The following ICE2 variants were observed in gnomAD, a reference collection of about 807,000 sequenced individuals.
ICE2 encodes little elongation complex subunit 2.
ICE2 carries 87 observed loss-of-function variants against 105.4 expected under a neutral mutation model. The observed-to-expected ratio is 0.83, with a 90% CI of 0.69 to 0.99. The LOEUF (loss-of-function observed/expected upper bound fraction) is 0.99. ICE2 is among the 50% of genes least tolerant of loss of function. ICE2 has a pLI of 0.00. For synonymous variants in ICE2, 399 were observed against 392.0 expected, an observed-to-expected ratio of 1.02 and a Z score of -0.21; for missense variants, 1,323 against 1,146.7, an observed-to-expected ratio of 1.15 and a Z score of -2.22.
intron 14 of ICE2, among the ~76,000 whole-genome samples, chr15:60,429,013 T>C (rs1566967941): frequency 6.6e-6 from 1 of 152,236 alleles, no homozygotes; most frequent in Admixed American, 6.5e-5. Flanking sequence ...TAGGTATCTA[T>C]ACTGAAAAGC....
chr15:60,462,986 G>A (rs957226004), intron 5 of ICE2, among the ~76,000 whole-genome samples: 1 of 152,112 alleles, frequency 6.6e-6, no homozygotes, highest in Non-Finnish European at 1.5e-5. Flanking sequence ...CCAAACCATT[G>A]CAATTTTGTC....
chr15:60,466,763 A>G (rs563949000), intron 4 of ICE2, 50 bp from the exon 5 acceptor site: 3 of 1,433,600 alleles, frequency 2.1e-6, no homozygotes, highest in Non-Finnish European at 2.9e-6. Flanking sequence ...TTTCATTAAA[A>G]AGAATCACAT....
chr15:60,439,517 A>G (rs1047960655), intron 12 of ICE2: 1 of 151,988 alleles, frequency 6.6e-6, no homozygotes, highest in Non-Finnish European at 1.5e-5. Flanking sequence ...AGTAGCTGGG[A>G]CTACAGGCGC....
In ICE2 at chr15:60,455,121, T is replaced by G. The variant is rs200990587; in HGVS notation, c.825A>C (p.Arg275Ser). Residue 275 changes from arginine to serine, a missense_variant, in exon 8 of 16, where the codon AGA (arginine) becomes AGC (serine). By Grantham distance (110) the Arg-to-Ser change is moderately radical. Coordinates refer to ENST00000261520, the MANE Select transcript of ICE2 (RefSeq NM_024611.6). The stretch of plus-strand genomic sequence containing the variant: ...TAGTTAGAGCTATCTGAGGGTGATA[T>G]CTGGAAACAAGCTTCTCTGCATTTG... ...KDPNAEKLVS[R>S]YHPQIALTSQ... is the part of the protein sequence containing the mutation. The G allele has an allele frequency of 1.3e-6, 2 of 1,589,804 alleles. No homozygotes were observed. Among genetic ancestry groups the G allele is most frequent in the Non-Finnish European group, 1.7e-6 (2 of 1,172,988 alleles).
At position 60,442,471 on chromosome 15, in the gene ICE2, T is replaced by C; in HGVS notation, c.2370A>G (p.Glu790=). Residue 790 remains glutamate, a synonymous_variant, in exon 12 of 16, where the codon GAA becomes GAG. Coordinates refer to ENST00000261520, the MANE Select transcript of ICE2 (RefSeq NM_024611.6). ...AACTTTCAGTCCATAAGCGACAAAG[T>C]TCACTTTCAGTCAGAGCTTCAACTC... ...CYGVEALTES[E]LCRLWTESLL... is the part of the protein sequence containing the mutation. The C allele has an allele frequency of 1.9e-6, 3 of 1,601,384 alleles. No homozygotes were observed. Among genetic ancestry groups the C allele is most frequent in the Non-Finnish European group, 2.5e-6 (3 of 1,177,612 alleles).
At chr15:60,476,965 T>C (rs545787112) in intron 2 of ICE2, among the ~76,000 whole-genome samples, 4 of 152,332 alleles carry the variant, frequency 2.6e-5, no homozygotes, top group African/African-American at 7.2e-5. Context: ...ATGCATACTT[T>C]ATAGCACTGG....
At chr15:60,463,125 T>C (rs946483725) in intron 5 of ICE2, among the ~76,000 whole-genome samples, 5 of 152,314 alleles carry the variant, frequency 3.3e-5, no homozygotes, top group South Asian at 2.1e-4. Flanking sequence ...TAGGATAAAA[T>C]ACACTATGAT....
Position 60,477,937 on chromosome 15 carries a change from C to CAAT in ICE2, c.38_40dup (p.Asn13_Trp14insTyr). 1 of 1,613,796 alleles carries CAAT rather than the reference C, an allele frequency of 6.2e-7. No homozygotes were observed. The highest frequency in any genetic ancestry group is 8.5e-7 in the Non-Finnish European group (1 of 1,179,682). ...GGATTACAAAGTGGCTACAACTCACCAATTCAGTCCTGGTTCACTTATGAC... is the reference window on the plus strand; with the variant it reads ...GGATTACAAAGTGGCTACAACTCACCAATAATTCAGTCCTGGTTCACTTATGAC... On this transcript the variant is annotated inframe_insertion and splice_region_variant, in exon 2 of 16. Coordinates refer to ENST00000261520, the MANE Select transcript of ICE2 (RefSeq NM_024611.6).
chr15:60,439,390 C>CT (rs1267241572), intron 12 of ICE2: 5 of 150,866 alleles, frequency 3.3e-5, no homozygotes, highest in South Asian at 2.1e-4. Context: ...TCTTTTTTTT[C>CT]TTTTTTTTGA....
In ICE2 at chr15:60,419,625, A is replaced by G. The variant is rs1281768723; in HGVS notation, c.*4009T>C. ...AACAGTAGATGGATAAATGAAATGG[A>G]TCCCCTTTATTTCTACATCTCAACA... is the stretch of plus-strand genomic sequence containing the variant. On this transcript the variant is annotated 3_prime_UTR_variant, in exon 16 of 16. Coordinates refer to ENST00000261520, the MANE Select transcript of ICE2 (RefSeq NM_024611.6). 3 of 152,218 alleles carry G rather than the reference A, an allele frequency of 2.0e-5. No homozygotes were observed. The highest frequency in any genetic ancestry group is 7.2e-5 in the African/African-American group (3 of 41,442). 9.4% of individuals were successfully genotyped at this position (152,218 alleles called of 1,614,324 possible).
At chr15:60,453,833 ATAT>A (rs771194254) in intron 8 of ICE2, 49 bp from the exon 9 acceptor site, 1 of 1,424,520 alleles carries the variant, frequency 7.0e-7, no homozygotes, top group South Asian at 1.2e-5. Context: ...TAATTGTGAT[ATAT>A]TTTTTAAAAA....
At position 60,420,969 on chromosome 15, in the gene ICE2, G is replaced by C. The variant is rs1030913676; in HGVS notation, c.*2665C>G. On this transcript the variant is annotated 3_prime_UTR_variant, in exon 16 of 16. Transcript: ENST00000261520. The stretch of plus-strand genomic sequence containing the variant: ...AAACAAATATGCCCCTGTCCTTGCA[G>C]AGCTTGTAATCTATAAGAAAAGAAA... 2 of 151,898 alleles carry C rather than the reference G, an allele frequency of 1.3e-5. No individual in the cohort carries two copies. The highest frequency in any genetic ancestry group is 4.9e-5 in the African/African-American group (2 of 41,194). The allele number at this position is 151,898 out of a possible 1,614,324, so 9.4% of individuals were successfully genotyped here.
chr15:60,451,249 A>G (rs2063959100), intron 9 of ICE2: 1 of 613,582 alleles, frequency 1.6e-6, no homozygotes, highest in South Asian at 7.3e-5. Context: ...AATATATATG[A>G]AAGATTGAAA....
chr15:60,419,701 T>A lies in ICE2; in HGVS notation c.*3933A>T, dbSNP rs1283314451. ...AATACGTTAAGGTTTGATTAAAAAC[T>A]ACTACATACCAAACAAAAAAACAGA... On this transcript the variant is annotated 3_prime_UTR_variant, in exon 16 of 16. Coordinates refer to ENST00000261520, the MANE Select transcript of ICE2 (RefSeq NM_024611.6). 1 of 148,340 alleles carries A rather than the reference T, an allele frequency of 6.7e-6. No homozygotes were observed. The highest frequency in any genetic ancestry group is 2.5e-5 in the African/African-American group (1 of 39,694). 9.2% of individuals were successfully genotyped at this position (148,340 alleles called of 1,614,324 possible).
intron 13 of ICE2, among the ~76,000 whole-genome samples, chr15:60,433,462 T>A (rs759838791): frequency 1.6e-4 from 25 of 152,034 alleles, no homozygotes; most frequent in Non-Finnish European, 2.9e-4. Context: ...CTTTCTTCCT[T>A]TTCTTCTCTC....
chr15:60,428,395 C>G, intron 15 of ICE2, 34 bp downstream of exon 15: 1 of 1,596,586 alleles, frequency 6.3e-7, no homozygotes, highest in Non-Finnish European at 8.5e-7. Context: ...TAATAAACAA[C>G]CTAATGAACC....
At chr15:60,455,664 C>G (rs1033328547) in intron 6 of ICE2, among the ~76,000 whole-genome samples, 1 of 151,520 alleles carries the variant, frequency 6.6e-6, no homozygotes, top group Non-Finnish European at 1.5e-5. Context: ...GTTGCCCAGG[C>G]TGAAGTGCGG....
rs1019044292 is a variant in ICE2, at chr15:60,421,889, A to T, written c.*1745T>A. ...AACTTAAAAATGTTTTATAACAAAA[A>T]ATCAAAATGAAACAAAACTTGGTAG... On this transcript the variant is annotated 3_prime_UTR_variant, in exon 16 of 16. Coordinates refer to ENST00000261520, the MANE Select transcript of ICE2 (RefSeq NM_024611.6). 20 of 152,174 alleles carry T rather than the reference A, an allele frequency of 1.3e-4. No individual in the cohort carries two copies. The highest frequency in any genetic ancestry group is 2.9e-4 in the Non-Finnish European group (20 of 68,028). 9.4% of individuals were successfully genotyped at this position (152,174 alleles called of 1,614,324 possible). A position where few individuals can be genotyped will look rare whatever the true frequency, so the allele number is the denominator to read the frequency against.
At chr15:60,449,867 T>C (rs898300588) in intron 9 of ICE2, 26 bp from the exon 10 acceptor site, 2 of 1,555,714 alleles carry the variant, frequency 1.3e-6, no homozygotes, top group Non-Finnish European at 1.7e-6. Flanking sequence ...TGGTAAAGTA[T>C]TAGTAAAAAT....
Sources: gnomAD v4.1 joint callset for allele counts (sites outside exome capture counted in the v4.1 genomes callset) on GRCh38, gnomAD v4.1.1 for gene constraint, MANE v1.5 for transcripts, NCBI Gene and HGNC (gene_info 2026-07-23, HGNC 2026-07-21) for gene names.